Variants in TIAM1 observed in about 807,000 individuals in gnomAD.
The protein encoded by TIAM1 is rho guanine nucleotide exchange factor TIAM1.
In TIAM1, 65 loss-of-function variants were observed where a neutral mutation model predicts 163.5. The ratio of observed to expected loss-of-function variants is 0.40; its 90% CI spans 0.33 to 0.49. TIAM1 has a LOEUF of 0.49. Ranked by LOEUF, TIAM1 falls within the 20% of genes least tolerant of loss-of-function variation. The probability of loss-of-function intolerance (pLI) is 0.77; values close to 1 mark genes in which losing one functional copy is unlikely to be tolerated. For missense variants in TIAM1, 1,789 were observed against 2,044.7 expected (o/e 0.87, Z 2.41); for synonymous variants, 833 against 810.1 (o/e 1.03, Z -0.48).
chr21:31,142,366 C>T (rs2082884568), intron 20 of TIAM1, among the ~76,000 whole-genome samples: 1 of 150,778 alleles, frequency 6.6e-6, no homozygotes, highest in African/African-American at 2.4e-5. Context: ...GAATGTAATC[C>T]TAGCAGTTTG....
chr21:31,331,244 TAAGC>T (rs575387504), intron 2 of TIAM1, among the ~76,000 whole-genome samples: 162 of 152,318 alleles, frequency 1.1e-3, no homozygotes, highest in African/African-American at 3.6e-3. Context: ...ATTATGAAAG[TAAGC>T]ATCCATCCCA....
chr21:31,545,712 C>T (rs2048464375), intron 1 of TIAM1, among the ~76,000 whole-genome samples: 1 of 152,192 alleles, frequency 6.6e-6, no homozygotes, highest in Non-Finnish European at 1.5e-5. Context: ...GCTAATCCTT[C>T]CATTGAGATT....
At chr21:31,349,705 C>T (rs2076203901) in intron 2 of TIAM1, among the ~76,000 whole-genome samples, 1 of 152,142 alleles carries the variant, frequency 6.6e-6, no homozygotes, top group East Asian at 1.9e-4. Flanking sequence ...CTTGAAAAAG[C>T]TGGGTCAGGG....
intron 2 of TIAM1, among the ~76,000 whole-genome samples, chr21:31,311,803 G>T (rs760423525): frequency 2.6e-5 from 4 of 152,196 alleles, no homozygotes; most frequent in Non-Finnish European, 5.9e-5. Context: ...GTCTGTGAGG[G>T]TGTTGCCAAA....
chr21:31,183,630 C>T (rs1268978413), intron 14 of TIAM1, among the ~76,000 whole-genome samples: 2 of 152,176 alleles, frequency 1.3e-5, no homozygotes, highest in East Asian at 3.8e-4. Flanking sequence ...GAAGTTCTCG[C>T]TTCCCAGCTT....
chr21:31,532,729 C>G (rs1297314705), intron 1 of TIAM1, among the ~76,000 whole-genome samples: 1 of 152,152 alleles, frequency 6.6e-6, no homozygotes, highest in Non-Finnish European at 1.5e-5. Flanking sequence ...TAAGAAATTC[C>G]TGAAATAAGA....
intron 2 of TIAM1, among the ~76,000 whole-genome samples, chr21:31,422,846 A>C (rs2043626212): frequency 6.6e-6 from 1 of 152,170 alleles, no homozygotes; most frequent in South Asian, 2.1e-4. Context: ...CCAATTAAGC[A>C]TCATTGCTCC....
intron 2 of TIAM1, among the ~76,000 whole-genome samples, chr21:31,280,510 A>G (rs1364582693): frequency 2.6e-5 from 4 of 152,022 alleles, no homozygotes; most frequent in Non-Finnish European, 5.9e-5. Flanking sequence ...TGTGTTTATC[A>G]GCAGGATGAA....
At chr21:31,210,588 A>AAGAAAGAAAGAG (rs1555890876) in intron 10 of TIAM1, among the ~76,000 whole-genome samples, 3 of 114,160 alleles carry the variant, frequency 2.6e-5, no homozygotes, top group African/African-American at 1.4e-4. Flanking sequence ...GAAAGAAAGA[A>AAGAAAGAAAGAG]AGAAAGAGAG....
rs866853728 is a variant in TIAM1 at position 31,210,584 on chromosome 21, A to G, written c.2218-369T>C. 9.1e-4 allele frequency among the ~76,000 whole-genome samples: 108 copies of G among 118,488 alleles called. 1 individual carries two copies. The highest frequency in any genetic ancestry group is 1.1e-3 in the Non-Finnish European group (71 of 61,742). The allele number at this position is 118,488 out of a possible 152,430, so 77.7% of individuals were successfully genotyped here. ...AAAGAAAGAAAGAAAGAAAGAAAGA[A>G]AGAAAGAAAGAGAGAAAGAAGGAAG... On this transcript the variant is annotated intron_variant, in intron 10 of 27. Transcript: ENST00000541036.
At chr21:31,192,756 G>A (rs1385245173) in intron 13 of TIAM1, among the ~76,000 whole-genome samples, 2 of 152,126 alleles carry the variant, frequency 1.3e-5, no homozygotes, top group East Asian at 3.9e-4. Context: ...TCGTAGGTAG[G>A]TATGGCTGTG....
chr21:31,454,970 G>A (rs867730396), intron 2 of TIAM1, among the ~76,000 whole-genome samples: 1 of 151,988 alleles, frequency 6.6e-6, no homozygotes, highest in Non-Finnish European at 1.5e-5. Context: ...TCCCCTGCTG[G>A]GGCAAGCAAA....
At chr21:31,354,438 G>T (rs1006040239) in intron 2 of TIAM1, among the ~76,000 whole-genome samples, 2 of 151,922 alleles carry the variant, frequency 1.3e-5, no homozygotes, top group African/African-American at 2.4e-5. Flanking sequence ...GTATTCCTGG[G>T]GCCCTTTCAC....
intron 5 of TIAM1, 73 bp downstream of exon 5, chr21:31,251,669 C>A: frequency 6.9e-7 from 1 of 1,440,574 alleles, no homozygotes; most frequent in Non-Finnish European, 9.4e-7. Context: ...ACCCACCCAT[C>A]CCGTGAGTAT....
At chr21:31,477,992 T>C (rs2045988775) in intron 1 of TIAM1, among the ~76,000 whole-genome samples, 1 of 151,956 alleles carries the variant, frequency 6.6e-6, no homozygotes, top group African/African-American at 2.4e-5. Flanking sequence ...CCACTGGGAG[T>C]ACAGAATAAC....
intron 23 of TIAM1, among the ~76,000 whole-genome samples, chr21:31,134,699 C>T (rs756437344): frequency 9.9e-5 from 15 of 152,142 alleles, no homozygotes; most frequent in Non-Finnish European, 1.6e-4. Context: ...TTAGTAAGGA[C>T]GGGGTTTCAC....
intron 2 of TIAM1, among the ~76,000 whole-genome samples, chr21:31,283,888 T>C (rs886930351): frequency 3.9e-5 from 6 of 152,116 alleles, no homozygotes; most frequent in Non-Finnish European, 8.8e-5. Context: ...CACTTGGGAA[T>C]TCCACCCAAC....
chr21:31,141,193 C>G lies in TIAM1; in HGVS notation c.3699G>C (p.Glu1233Asp). The stretch of plus-strand genomic sequence containing the variant: ...CAAACTCTTCATGGATTTTCTGCAT[C>G]TCATTGATGTGACTGGCAACCTTGT... ...TMNKVASHINEMQKIHEEFGA... is the reference protein window; with the variant it reads ...TMNKVASHINDMQKIHEEFGA... Residue 1233 changes from glutamate (E) to aspartate (D), a missense_variant, in exon 22 of 28, where the codon GAG becomes GAC. Around this residue, in one of 5 missense-constraint regions of TIAM1, gnomAD observed 60 missense variants for 132.6 expected, o/e 0.45. Transcript: ENST00000541036. This position sits in a 1 kb window ranked among gnomAD's most constrained non-coding sequence, Gnocchi z 4.7. 2 of 1,614,178 alleles carry G rather than the reference C, an allele frequency of 1.2e-6. No homozygotes were observed. Among genetic ancestry groups the G allele is most frequent in the Non-Finnish European group, 1.7e-6 (2 of 1,180,022 alleles).
intron 2 of TIAM1, among the ~76,000 whole-genome samples, chr21:31,458,590 G>C (rs923328842): frequency 2.0e-5 from 3 of 152,194 alleles, no homozygotes; most frequent in African/African-American, 7.2e-5. Context: ...CTGCTTAGCA[G>C]ACCTGTCTCT....
Sources: gnomAD v4.1 joint callset for allele counts (sites outside exome capture counted in the v4.1 genomes callset) on GRCh38, gnomAD v4.1.1 for gene constraint, gnomAD v4.1.1 regional missense constraint, Gnocchi (gnomAD v3.1) non-coding constraint, MANE v1.5 for transcripts, NCBI Gene and HGNC (gene_info 2026-07-23, HGNC 2026-07-21) for gene names.